Variants in MAD1L1 observed in about 807,000 individuals in gnomAD.
The protein encoded by MAD1L1 is mitotic spindle assembly checkpoint protein MAD1.
MAD1L1 carries 95 observed loss-of-function variants against 96.9 expected under a neutral mutation model. The ratio of observed to expected loss-of-function variants is 0.98; its 90% CI spans 0.83 to 1.16. MAD1L1 has a LOEUF of 1.16. Ranked by LOEUF, MAD1L1 falls within the 50% of genes most tolerant of loss-of-function variation. MAD1L1 has a pLI of 0.00. For missense variants in MAD1L1, 1,007 were observed against 954.4 expected, an observed-to-expected ratio of 1.06 and a Z score of -0.73; for synonymous variants, 473 against 396.6, an observed-to-expected ratio of 1.19 and a Z score of -2.29.
At chr7:2,126,556 T>C (rs983990690) in intron 11 of MAD1L1, among the ~76,000 whole-genome samples, 3 of 152,128 alleles carry the variant, frequency 2.0e-5, no homozygotes, top group African/African-American at 7.2e-5. Flanking sequence ...GTGCACCATA[T>C]GGCCACTAAG....
chr7:1,951,603 A>G (rs1779498049), intron 16 of MAD1L1, among the ~76,000 whole-genome samples: 1 of 151,998 alleles, frequency 6.6e-6, no homozygotes, highest in Non-Finnish European at 1.5e-5. Flanking sequence ...CCCCTGCCCC[A>G]GCCCCAGCCC....
At chr7:2,000,615 C>T (rs1051672952) in intron 14 of MAD1L1, among the ~76,000 whole-genome samples, 1 of 152,202 alleles carries the variant, frequency 6.6e-6, no homozygotes, top group East Asian at 1.9e-4. Flanking sequence ...TGCGGCTCCT[C>T]CATTCGCCAC....
intron 16 of MAD1L1, chr7:1,940,590 T>G (rs1369588892): frequency 1.3e-5 from 2 of 152,110 alleles, no homozygotes; most frequent in Admixed American, 6.5e-5. Context: ...TGGGGCCGCC[T>G]CCTGCGGAGA....
intron 12 of MAD1L1, among the ~76,000 whole-genome samples, chr7:2,048,231 A>G (rs1784020403): frequency 6.6e-6 from 1 of 152,252 alleles, no homozygotes; most frequent in Non-Finnish European, 1.5e-5. Flanking sequence ...ACCATGCTCC[A>G]GCACCCTAGT....
intron 18 of MAD1L1, among the ~76,000 whole-genome samples, chr7:1,832,731 A>T (rs1352456655): frequency 1.0e-5 from 1 of 95,262 alleles, no homozygotes; most frequent in Non-Finnish European, 2.2e-5. Flanking sequence ...TCCCAGGTTC[A>T]AGCGATTTTC....
At chr7:1,888,572 A>T (rs1786325679) in intron 18 of MAD1L1, among the ~76,000 whole-genome samples, 1 of 146,224 alleles carries the variant, frequency 6.8e-6, no homozygotes, top group African/African-American at 2.6e-5. Context: ...ATGTGGCTGT[A>T]CATGTGAGCA....
intron 14 of MAD1L1, among the ~76,000 whole-genome samples, chr7:1,992,272 C>T (rs1781386560): frequency 6.6e-6 from 1 of 152,260 alleles, no homozygotes; most frequent in African/African-American, 2.4e-5. Flanking sequence ...CACGGAGGAG[C>T]GTTGGGAAGC....
At chr7:1,897,195 G>GCTGAATCAGACAGGCAGCGGCTCACCA (rs1284712331) in intron 18 of MAD1L1, among the ~76,000 whole-genome samples, 6 of 152,258 alleles carry the variant, frequency 3.9e-5, no homozygotes, top group African/African-American at 1.2e-4. Flanking sequence ...GCGGCTCACC[G>GCTGAATCAGACAGGCAGCGGCTCACCA]CTGTGAGACG....
At position 2,213,840 on chromosome 7, in the gene MAD1L1, T is replaced by C. The variant is rs145276861; in HGVS notation, c.925-567A>G. Among the ~76,000 whole-genome samples the C allele has an allele frequency of 8.2e-4, 125 of 152,316 alleles. 1 individual carries two copies. Among genetic ancestry groups the C allele is most frequent in the African/African-American group, 2.9e-3 (119 of 41,576 alleles). ...CCCTCTGTGTCACATGCCTGTCCCA[T>C]GCTGAGCCGCATCCCAAAGAGGTGA... On this transcript the variant is annotated intron_variant, in intron 9 of 18. Coordinates refer to ENST00000265854, the MANE Select transcript of MAD1L1 (RefSeq NM_001013836.2).
intron 12 of MAD1L1, among the ~76,000 whole-genome samples, chr7:2,044,850 T>C (rs893664661): frequency 1.3e-5 from 2 of 152,108 alleles, no homozygotes; most frequent in African/African-American, 4.8e-5. Flanking sequence ...TCTCAGCTCC[T>C]GTGCCAGTGG....
chr7:2,084,819 A>G (rs1461221970), intron 11 of MAD1L1, among the ~76,000 whole-genome samples: 2 of 152,200 alleles, frequency 1.3e-5, no homozygotes, highest in Non-Finnish European at 2.9e-5. Flanking sequence ...ATACAGGGCC[A>G]AGCACGGGGG....
intron 18 of MAD1L1, among the ~76,000 whole-genome samples, chr7:1,841,673 C>A (rs936386176): frequency 2.6e-5 from 4 of 152,204 alleles, no homozygotes; most frequent in Non-Finnish European, 5.9e-5. Flanking sequence ...AGGGGCCAGT[C>A]CGGCCTTCCC....
At chr7:1,864,322 G>A (rs1026097622) in intron 18 of MAD1L1, among the ~76,000 whole-genome samples, 2 of 152,124 alleles carry the variant, frequency 1.3e-5, no homozygotes, top group East Asian at 3.9e-4. Context: ...CTCCCTGCAG[G>A]GCAGACCCGG....
At chr7:1,830,492 T>C (rs1202437142) in intron 18 of MAD1L1, among the ~76,000 whole-genome samples, 1 of 152,262 alleles carries the variant, frequency 6.6e-6, no homozygotes, top group African/African-American at 2.4e-5. Context: ...GGGAGCTGCA[T>C]GGGCAGACAT....
At chr7:2,004,028 G>A (rs542296340) in intron 13 of MAD1L1, among the ~76,000 whole-genome samples, 2 of 152,300 alleles carry the variant, frequency 1.3e-5, no homozygotes, top group Non-Finnish European at 2.9e-5. Context: ...CGGGGGCACA[G>A]GGAGCCGGGT....
chr7:1,956,033 T>C (rs939935), intron 16 of MAD1L1, among the ~76,000 whole-genome samples: 128,315 of 148,950 alleles, frequency 0.86, 56,574 homozygotes, highest in Non-Finnish European at 0.96. Context: ...AAGCAGGCAT[T>C]GGTGATCCAA....
intron 18 of MAD1L1, among the ~76,000 whole-genome samples, chr7:1,828,712 TGCATGCACAGGCACAC>T (rs1285108363): frequency 6.6e-6 from 1 of 150,446 alleles, no homozygotes; most frequent in Non-Finnish European, 1.5e-5. Context: ...CACACACACG[TGCATGCACAGGCACAC>T]GCACACATGC....
At chr7:2,041,294 G>A (rs1244403909) in intron 12 of MAD1L1, among the ~76,000 whole-genome samples, 1 of 152,134 alleles carries the variant, frequency 6.6e-6, no homozygotes, top group Non-Finnish European at 1.5e-5. Flanking sequence ...TACAGCTCTG[G>A]GATGTCCTTC....
At chr7:2,029,186 TGTAGTGTTAGTCACA>T (rs1252023393) in intron 12 of MAD1L1, among the ~76,000 whole-genome samples, 1 of 152,260 alleles carries the variant, frequency 6.6e-6, no homozygotes, top group African/African-American at 2.4e-5. Flanking sequence ...TCTCCCATTC[TGTAGTGTTAGTCACA>T]GTAGCCAAGA....
Sources: gnomAD v4.1 joint callset for allele counts (sites outside exome capture counted in the v4.1 genomes callset) on GRCh38, gnomAD v4.1.1 for gene constraint, MANE v1.5 for transcripts, NCBI Gene and HGNC (gene_info 2026-07-23, HGNC 2026-07-21) for gene names.